Variants in SLC35F3 observed in about 807,000 individuals in gnomAD.
The protein encoded by SLC35F3 is putative thiamine transporter SLC35F3.
SLC35F3 carries 25 observed loss-of-function variants against 49.9 expected under a neutral mutation model. That is an observed-to-expected ratio of 0.50 (90% CI 0.37 to 0.70). The LOEUF (loss-of-function observed/expected upper bound fraction) is 0.70, where lower values mean the gene tolerates loss of function less well. Ranked by LOEUF, SLC35F3 falls within the 30% of genes least tolerant of loss-of-function variation. The pLI, the probability that SLC35F3 is intolerant of heterozygous loss-of-function variation, is 0.00. For synonymous variants in SLC35F3, 275 were observed against 265.4 expected (o/e 1.04, Z -0.35); for missense variants, 525 against 639.8 (o/e 0.82, Z 1.94).
Position 234,214,352 on chromosome 1 carries a change from G to C in SLC35F3, c.284-17065G>C. 1 of 1,316,142 alleles carries C rather than the reference G, an allele frequency of 7.6e-7. No homozygotes were observed. The allele number at this position is 1,316,142 out of a possible 1,614,324, so 81.5% of individuals were successfully genotyped here. A position where few individuals can be genotyped will look rare whatever the true frequency, so the allele number is the denominator to read the frequency against. ...GGCAACCGGAGCCCGGCGGGCAGCC[G>C]GGGAGGCCGGGACTGAGAGGGGCGA... is the stretch of plus-strand genomic sequence containing the variant. On this transcript the variant is annotated intron_variant, in intron 2 of 7. Transcript: ENST00000366618. This position sits in a 1 kb window ranked among gnomAD's most constrained non-coding sequence, Gnocchi z 8.0.
At chr1:234,295,449 A>G (rs949810901) in intron 3 of SLC35F3, among the ~76,000 whole-genome samples, 3 of 152,170 alleles carry the variant, frequency 2.0e-5, no homozygotes, top group African/African-American at 7.2e-5. Flanking sequence ...CAAAGAGCAC[A>G]TTGGTCAGGC....
chr1:234,224,998 G>A (rs1667264836), intron 2 of SLC35F3, among the ~76,000 whole-genome samples: 1 of 152,150 alleles, frequency 6.6e-6, no homozygotes, highest in South Asian at 2.1e-4. Flanking sequence ...TGCTAGTCAG[G>A]AGCATGACTG....
chr1:234,055,510 G>A (rs989364449), intron 2 of SLC35F3, among the ~76,000 whole-genome samples: 9 of 152,212 alleles, frequency 5.9e-5, no homozygotes, highest in Non-Finnish European at 7.3e-5. Context: ...TTGGAAAAGC[G>A]CAGGATTAGG....
At chr1:233,931,102 G>C (rs1662235502) in intron 2 of SLC35F3, among the ~76,000 whole-genome samples, 1 of 152,104 alleles carries the variant, frequency 6.6e-6, no homozygotes, top group Non-Finnish European at 1.5e-5. Context: ...AACTAAAACT[G>C]GACCCCTTTC....
At chr1:234,044,705 A>G (rs1280019825) in intron 2 of SLC35F3, among the ~76,000 whole-genome samples, 1 of 152,154 alleles carries the variant, frequency 6.6e-6, no homozygotes, top group Non-Finnish European at 1.5e-5. Flanking sequence ...TTTTTTAGTC[A>G]TTAATGTTTC....
rs907554258 is a variant in SLC35F3, at chr1:233,916,052, G to A, written c.283+10294G>A. Among the ~76,000 whole-genome samples, 3 of 152,306 alleles carry A rather than the reference G, an allele frequency of 2.0e-5. No homozygotes were observed. The East Asian group carries it at 5.8e-4, about 29-fold the overall frequency. On this transcript the variant is annotated intron_variant, in intron 2 of 7. Coordinates refer to ENST00000366618, the MANE Select transcript of SLC35F3 (RefSeq NM_173508.4). ...TTAATAAACATTTTCCATGGCAAAA[G>A]TGCATTACACTGGTGTGAGTACTAA... is the stretch of plus-strand genomic sequence containing the variant.
At chr1:234,284,548 G>T (rs887354411) in intron 3 of SLC35F3, among the ~76,000 whole-genome samples, 4 of 152,224 alleles carry the variant, frequency 2.6e-5, no homozygotes, top group African/African-American at 9.7e-5. Flanking sequence ...TGCCTGGACT[G>T]TTGTAGTGGC....
At chr1:234,162,559 C>A (rs1666245250) in intron 2 of SLC35F3, among the ~76,000 whole-genome samples, 1 of 151,968 alleles carries the variant, frequency 6.6e-6, no homozygotes, top group South Asian at 2.1e-4. Context: ...CTCCTTGCCC[C>A]CCTCACCCCT....
chr1:234,160,701 C>T (rs1462018843), intron 2 of SLC35F3, among the ~76,000 whole-genome samples: 1 of 152,192 alleles, frequency 6.6e-6, no homozygotes, highest in Non-Finnish European at 1.5e-5. Context: ...TCAGGAAGCA[C>T]TGAGCCCCTT....
chr1:234,007,425 G>T (rs1663646415), intron 2 of SLC35F3, among the ~76,000 whole-genome samples: 2 of 152,028 alleles, frequency 1.3e-5, no homozygotes, highest in Non-Finnish European at 2.9e-5. Flanking sequence ...GCGGAGAAGG[G>T]CCTAGTGTGG....
intron 2 of SLC35F3, among the ~76,000 whole-genome samples, chr1:234,223,283 G>T (rs893128305): frequency 2.0e-5 from 3 of 152,158 alleles, no homozygotes; most frequent in Admixed American, 1.3e-4. Context: ...AGATGGTGAT[G>T]ATGGGTGGGA....
chr1:233,956,637 G>A (rs1662709438), intron 2 of SLC35F3, among the ~76,000 whole-genome samples: 1 of 152,078 alleles, frequency 6.6e-6, no homozygotes, highest in Admixed American at 6.5e-5. Context: ...AGGGCAACAG[G>A]GGAGCAGCCT....
At chr1:234,285,720 G>A (rs1283549572) in intron 3 of SLC35F3, among the ~76,000 whole-genome samples, 1 of 152,224 alleles carries the variant, frequency 6.6e-6, no homozygotes, top group Admixed American at 6.5e-5. Flanking sequence ...CACGTTCTCT[G>A]AGGATACATC....
rs535500305 is a variant in SLC35F3, at chr1:234,131,332, C to G, written c.284-100085C>G. On this transcript the variant is annotated intron_variant, in intron 2 of 7. Transcript: ENST00000366618. ...GCATATCTATGTTTCTGTTTCTTCTCCGTAGAGGTAGCTGGGCCCTGGAAT... is the reference window on the plus strand; with the variant it reads ...GCATATCTATGTTTCTGTTTCTTCTGCGTAGAGGTAGCTGGGCCCTGGAAT... 9.2e-5 allele frequency among the ~76,000 whole-genome samples: 14 copies of G among 152,268 alleles called. 1 individual carries two copies. The South Asian group carries it at 2.7e-3, about 29-fold the overall frequency.
intron 2 of SLC35F3, among the ~76,000 whole-genome samples, chr1:234,097,441 T>A (rs1376384778): frequency 6.6e-6 from 1 of 152,202 alleles, no homozygotes; most frequent in Non-Finnish European, 1.5e-5. Flanking sequence ...GTTTTGGGTG[T>A]CACTGTGTCC....
chr1:234,070,258 G>A (rs982891225), intron 2 of SLC35F3, among the ~76,000 whole-genome samples: 2 of 152,164 alleles, frequency 1.3e-5, no homozygotes, highest in African/African-American at 4.8e-5. Flanking sequence ...GTTCCTGGAA[G>A]GCCTACCTGC....
chr1:233,904,709 G>A lies in SLC35F3; in HGVS notation c.-369G>A, dbSNP rs1004352882. Among the ~76,000 whole-genome samples the A allele has an allele frequency of 6.4e-4, 98 of 151,952 alleles. No homozygotes were observed. The highest frequency in any genetic ancestry group is 2.3e-3 in the African/African-American group (94 of 41,532). On this transcript the variant is annotated 5_prime_UTR_variant, in exon 1 of 8. Transcript: ENST00000366618. ...GCCTCCCCGCCCGACCAGGTGCCTC[G>A]AGAGCGCACAGCTGGGAGGGCTCTC...
intron 2 of SLC35F3, among the ~76,000 whole-genome samples, chr1:234,050,482 G>T (rs531053778): frequency 6.6e-6 from 1 of 152,132 alleles, no homozygotes; most frequent in Admixed American, 6.5e-5. Flanking sequence ...TTTTGATGGG[G>T]TTGTTTGATT....
At chr1:234,083,568 G>A (rs142868159) in intron 2 of SLC35F3, among the ~76,000 whole-genome samples, 2 of 152,258 alleles carry the variant, frequency 1.3e-5, no homozygotes, top group East Asian at 3.9e-4. Flanking sequence ...AGTACCTTCT[G>A]CACCCTCGAT....
Sources: gnomAD v4.1 joint callset for allele counts (sites outside exome capture counted in the v4.1 genomes callset) on GRCh38, gnomAD v4.1.1 for gene constraint, Gnocchi (gnomAD v3.1) non-coding constraint, MANE v1.5 for transcripts, NCBI Gene and HGNC (gene_info 2026-07-23, HGNC 2026-07-21) for gene names.